Variants in SAMD5 observed in about 807,000 individuals in gnomAD.
The protein encoded by SAMD5 is sterile alpha motif domain-containing protein 5.
Under a neutral mutation model 11.3 loss-of-function variants are expected in SAMD5, and 13 were observed. The ratio of observed to expected loss-of-function variants is 1.15; its 90% CI spans 0.75 to 1.83. SAMD5 has a LOEUF of 1.83. SAMD5 is among the 40% of genes most tolerant of loss of function. The pLI, the probability that SAMD5 is intolerant of heterozygous loss-of-function variation, is 0.00. For synonymous variants in SAMD5, 129 were observed against 111.3 expected, an observed-to-expected ratio of 1.16 and a Z score of -1.00; for missense variants, 255 against 239.1, an observed-to-expected ratio of 1.07 and a Z score of -0.44.
chr6:147,606,585 CTT>C (rs1427313913), intron 1 of SAMD5, among the ~76,000 whole-genome samples: 1 of 151,352 alleles, frequency 6.6e-6, no homozygotes, highest in Non-Finnish European at 1.5e-5. Context: ...AAAAAAAAGA[CTT>C]TTTAAATAGA....
chr6:147,558,704 C>T (rs1037648366), intron 1 of SAMD5, among the ~76,000 whole-genome samples: 44 of 152,136 alleles, frequency 2.9e-4, no homozygotes, highest in African/African-American at 1.1e-3. Flanking sequence ...GTCCCGCCCT[C>T]CCTCACTCAC....
At chr6:147,796,348 C>G in the SAMD5 span, among the ~76,000 whole-genome samples, 1 of 151,968 alleles carries the variant, frequency 6.6e-6, no homozygotes, top group East Asian at 1.9e-4. Context: ...GCTTGTTTTT[C>G]TCAGGTTTGT....
At chr6:147,726,741 G>T (rs774969736) in intron 1 of SAMD5, among the ~76,000 whole-genome samples, 5 of 152,192 alleles carry the variant, frequency 3.3e-5, no homozygotes, top group Non-Finnish European at 7.3e-5. Flanking sequence ...CCTATAAAAT[G>T]GGATAATAGC....
intron 1 of SAMD5, among the ~76,000 whole-genome samples, chr6:147,514,722 A>C (rs1484121831): frequency 6.6e-6 from 1 of 152,092 alleles, no homozygotes; most frequent in Non-Finnish European, 1.5e-5. Flanking sequence ...TTTCACTGAA[A>C]AGTTGCTCCT....
chr6:147,563,436 C>T (rs1374799536), intron 1 of SAMD5, among the ~76,000 whole-genome samples: 2 of 152,168 alleles, frequency 1.3e-5, no homozygotes, highest in African/African-American at 4.8e-5. Flanking sequence ...TTGATTTAAC[C>T]TTTTCCAAAA....
intron 1 of SAMD5, among the ~76,000 whole-genome samples, chr6:147,509,840 A>G (rs1452323252): frequency 6.6e-6 from 1 of 152,018 alleles, no homozygotes; most frequent in East Asian, 1.9e-4. Flanking sequence ...AAATCGGTGA[A>G]CTCTTTAAAG....
chr6:147,568,864 G>T lies in SAMD5; in HGVS notation c.*4408G>T. The T allele has an allele frequency of 1.0e-6, 1 of 956,166 alleles. No homozygotes were observed. The highest frequency in any genetic ancestry group is 4.8e-5 in the South Asian group (1 of 20,660). The allele number at this position is 956,166 out of a possible 1,614,324, so 59.2% of individuals were successfully genotyped here. ...AAAATCAAATAACTTTCTAGTCCAT[G>T]ATCATTAATCCCTACTATTTTAGAT... On this transcript the variant is annotated 3_prime_UTR_variant, in exon 2 of 2. Coordinates refer to ENST00000367474, the MANE Select transcript of SAMD5 (RefSeq NM_001030060.3).
chr6:147,768,775 G>A, the SAMD5 span, among the ~76,000 whole-genome samples: 31 of 152,028 alleles, frequency 2.0e-4, no homozygotes, highest in South Asian at 6.4e-3. Flanking sequence ...CTTATTTTTT[G>A]TGGTGAGAAC....
the SAMD5 span, among the ~76,000 whole-genome samples, chr6:147,934,419 C>T: frequency 0.055 from 8,353 of 152,118 alleles, 303 homozygotes; most frequent in Middle Eastern, 0.11. Flanking sequence ...TGGCCATAAG[C>T]GAAAAATCAC....
chr6:147,511,357 A>C (rs1460683927), intron 1 of SAMD5, among the ~76,000 whole-genome samples: 1 of 152,250 alleles, frequency 6.6e-6, no homozygotes, highest in Non-Finnish European at 1.5e-5. Context: ...TCTCCTGCCT[A>C]GATCAGTGGG....
At chr6:147,611,440 G>A (rs1164778618) in intron 1 of SAMD5, among the ~76,000 whole-genome samples, 3 of 152,066 alleles carry the variant, frequency 2.0e-5, no homozygotes, top group Non-Finnish European at 4.4e-5. Flanking sequence ...GTGCGCGCCT[G>A]TAATCCCAGC....
At chr6:147,684,159 G>T (rs927775998) in intron 1 of SAMD5, among the ~76,000 whole-genome samples, 4 of 151,974 alleles carry the variant, frequency 2.6e-5, no homozygotes, top group African/African-American at 4.8e-5. Flanking sequence ...ATTATGATTA[G>T]TTCTTCCTAT....
the SAMD5 span, among the ~76,000 whole-genome samples, chr6:147,812,017 C>G: frequency 2.0e-5 from 3 of 151,846 alleles, no homozygotes; most frequent in Non-Finnish European, 4.4e-5. Context: ...AACGAGCAGC[C>G]CTGCCTAAAG....
chr6:147,879,805 G>A, the SAMD5 span, among the ~76,000 whole-genome samples: 1 of 152,148 alleles, frequency 6.6e-6, no homozygotes, highest in African/African-American at 2.4e-5. Context: ...ATTCTGATTC[G>A]CTGATGGAAC....
At chr6:147,763,501 C>G in the SAMD5 span, among the ~76,000 whole-genome samples, 1 of 150,366 alleles carries the variant, frequency 6.7e-6, no homozygotes, top group African/African-American at 2.4e-5. Flanking sequence ...AGTCTATGCT[C>G]TATTCATATT....
chr6:147,649,818 G>A (rs971351713), intron 1 of SAMD5, among the ~76,000 whole-genome samples: 7 of 150,888 alleles, frequency 4.6e-5, no homozygotes, highest in Non-Finnish European at 5.9e-5. Context: ...AGTACCAACA[G>A]GTGGAAAAAA....
chr6:147,637,860 GT>G (rs34779416), intron 1 of SAMD5, among the ~76,000 whole-genome samples: 40,604 of 141,772 alleles, frequency 0.29, 6,033 homozygotes, highest in African/African-American at 0.41. Flanking sequence ...AGCAAGTTCG[GT>G]TTTTTTTTTT....
At chr6:147,544,609 A>C (rs1233536980) in intron 1 of SAMD5, among the ~76,000 whole-genome samples, 2 of 152,172 alleles carry the variant, frequency 1.3e-5, no homozygotes, top group African/African-American at 4.8e-5. Flanking sequence ...AGATTCATTT[A>C]TGCTGACATT....
At chr6:147,841,694 C>T in the SAMD5 span, among the ~76,000 whole-genome samples, 4 of 152,142 alleles carry the variant, frequency 2.6e-5, no homozygotes, top group African/African-American at 9.7e-5. Flanking sequence ...AAAATCACAG[C>T]CATCCATATT....
Sources: gnomAD v4.1 joint callset for allele counts (sites outside exome capture counted in the v4.1 genomes callset) on GRCh38, gnomAD v4.1.1 for gene constraint, MANE v1.5 for transcripts, NCBI Gene and HGNC (gene_info 2026-07-23, HGNC 2026-07-21) for gene names.